Variants in NBPF12 observed in about 807,000 individuals in gnomAD.
NBPF12 encodes the protein NBPF family member NBPF12.
In NBPF12, 115 loss-of-function variants were observed where a neutral mutation model predicts 146.4. The ratio of observed to expected loss-of-function variants is 0.79; its 90% confidence interval spans 0.68 to 0.92. The LOEUF (loss-of-function observed/expected upper bound fraction) is 0.92, where lower values mean the gene tolerates loss of function less well. NBPF12 is among the 40% of genes least tolerant of loss of function. The pLI is 0.00. For synonymous variants in NBPF12, 385 were observed against 508.9 expected, an observed-to-expected ratio of 0.76 and a Z score of 3.28; for missense variants, 1,205 against 1,326.8, an observed-to-expected ratio of 0.91 and a Z score of 1.43.
upstream of NBPF12, among the ~76,000 whole-genome samples, chr1:146,948,069 G>T (rs1476765683): frequency 4.0e-5 from 6 of 151,732 alleles, no homozygotes; most frequent in African/African-American, 9.7e-5. Context: ...CGAATGCAAC[G>T]GCGCCATCTC....
chr1:146,964,565 T>G (rs1656068863), intron 7 of NBPF12, 136 bp downstream of exon 10: 4 of 1,435,460 alleles, frequency 2.8e-6, no homozygotes, highest in Non-Finnish European at 3.9e-6. Flanking sequence ...CAACCCAGCT[T>G]AGACACAGGG....
chr1:146,987,866 C>T (rs1657895374), intron 25 of NBPF12, 88 bp from the exon 29 acceptor site: 2 of 774,298 alleles, frequency 2.6e-6, no homozygotes, highest in Non-Finnish European at 4.7e-6. Context: ...TTTTTAACCA[C>T]TTCCTTATGC....
intron 2 of NBPF12, among the ~76,000 whole-genome samples, chr1:146,954,600 C>T (rs1655480800): frequency 1.3e-5 from 2 of 149,906 alleles, no homozygotes; most frequent in South Asian, 4.2e-4. Context: ...ATAAAAATTC[C>T]AAGCGGCATT....
chr1:146,966,021 C>T (rs1158478537), intron 8 of NBPF12, among the ~76,000 whole-genome samples: 2 of 151,576 alleles, frequency 1.3e-5, no homozygotes, highest in African/African-American at 2.4e-5. Context: ...TGATGAGAAT[C>T]GCTTGAACCC....
chr1:146,938,628 C>G (rs2101799344), upstream of NBPF12: 1 of 152,252 alleles, frequency 6.6e-6, no homozygotes, highest in South Asian at 2.1e-4. Flanking sequence ...TGCGCTCCGT[C>G]CTCCATTACT....
chr1:146,965,873 C>T (rs1191253570), intron 8 of NBPF12, among the ~76,000 whole-genome samples: 8 of 144,108 alleles, frequency 5.6e-5, no homozygotes, highest in African/African-American at 7.7e-5. Context: ...TTTGAGAGGC[C>T]GAGGTGGGCG....
intron 4 of NBPF12, among the ~76,000 whole-genome samples, 175 bp from the exon 8 acceptor site, chr1:146,961,986 A>G (rs1655880560): frequency 2.0e-5 from 3 of 151,944 alleles, no homozygotes; most frequent in African/African-American, 7.3e-5. Flanking sequence ...ATTTTGGAGG[A>G]TCAGATGCCA....
At chr1:146,994,731 C>G in exon 34 of NBPF12, 1 of 1,305,394 alleles carries the variant, frequency 7.7e-7, no homozygotes, top group South Asian at 1.4e-5. Flanking sequence ...CCAGTGGCAA[C>G]CTGTGCTCAG....
chr1:146,981,238 G>A (rs1553887935), intron 19 of NBPF12, among the ~76,000 whole-genome samples: 3 of 128,606 alleles, frequency 2.3e-5, no homozygotes, highest in Middle Eastern at 4.8e-3. Context: ...ATGTAACTAA[G>A]CTGCACGTTG....
upstream of NBPF12, among the ~76,000 whole-genome samples, chr1:146,944,923 CCTGCCTCCCTCCCTCCCTCCCTT>C (rs1654959239): frequency 8.6e-6 from 1 of 116,778 alleles, no homozygotes; most frequent in African/African-American, 3.7e-5. Context: ...TCCCTCCCTC[CCTGCCTCCCTCCCTCCCTCCCTT>C]CTTTTCTTCC....
intron 2 of NBPF12, among the ~76,000 whole-genome samples, chr1:146,956,311 G>T (rs1383812090): frequency 0.15 from 22,326 of 151,878 alleles, 2,005 homozygotes; most frequent in Admixed American, 0.27. Context: ...AATGCAAACG[G>T]ACCTGAAGTG....
At chr1:146,992,482 G>T (rs1411316135) in intron 31 of NBPF12, among the ~76,000 whole-genome samples, 3,134 of 115,074 alleles carry the variant, frequency 0.027, 8 homozygotes, top group Middle Eastern at 0.038. Flanking sequence ...GTGTGTGTGT[G>T]TGTGTGTGTG....
intron 2 of NBPF12, chr1:146,957,724 C>G (rs1655656201): frequency 1.5e-5 from 2 of 133,656 alleles, no homozygotes; most frequent in Admixed American, 7.7e-5. Flanking sequence ...CTGGGGCCGC[C>G]TGGGCTGGCA....
chr1:146,978,260 ATTTTTTT>A (rs1187524068), intron 18 of NBPF12, among the ~76,000 whole-genome samples: 4,053 of 83,818 alleles, frequency 0.048, 214 homozygotes, highest in Non-Finnish European at 0.068. Context: ...AGCGTCGTAG[ATTTTTTT>A]TTTTTTTTTT....
At position 146,972,968 on chromosome 1, in the gene NBPF12, C is replaced by A. The variant is rs1656751076; in HGVS notation, c.1801+8C>A. On this transcript the variant is annotated splice_region_variant and intron_variant, in intron 14 of 33. Coordinates refer to ENST00000617844, the Ensembl canonical transcript of NBPF12. ...AGCAGCAGAACAAATACAGTAAGAT[C>A]TATATGCTCACCATCATGAAAGTGA... is the stretch of plus-strand genomic sequence containing the variant. The A allele has an allele frequency of 1.1e-6, 1 of 909,574 alleles. No individual in the cohort carries two copies. The highest frequency in any genetic ancestry group is 1.9e-6 in the Non-Finnish European group (1 of 538,374). The allele number at this position is 909,574 out of a possible 1,614,324, so 56.3% of individuals were successfully genotyped here.
At chr1:146,950,851 C>T (rs1284505251) in intron 1 of NBPF12, among the ~76,000 whole-genome samples, 30 of 152,114 alleles carry the variant, frequency 2.0e-4, no homozygotes, top group Admixed American at 2.6e-4. Flanking sequence ...TTTCCTATTA[C>T]GAATAAAACT....
At chr1:146,966,791 C>G in intron 9 of NBPF12, 118 bp downstream of exon 12, 1 of 732,664 alleles carries the variant, frequency 1.4e-6, no homozygotes. Context: ...TCTAGGAAAA[C>G]AGAAATGGGT....
At chr1:146,970,792 G>A (rs1344102544) in intron 12 of NBPF12, 73 bp downstream of exon 15, 5 of 1,216,774 alleles carry the variant, frequency 4.1e-6, no homozygotes, top group South Asian at 2.4e-5. Context: ...GCCCTCTCTG[G>A]CATCTATGAT....
At chr1:146,946,365 C>T (rs1223349708), upstream of NBPF12, among the ~76,000 whole-genome samples, 3 of 151,076 alleles carry the variant, frequency 2.0e-5, no homozygotes, top group Admixed American at 2.0e-4. Context: ...GTGTGTTCAC[C>T]GTTTTGTGTT....
Sources: allele counts gnomAD v4.1 joint callset (sites outside exome capture counted in the v4.1 genomes callset), GRCh38; gene constraint gnomAD v4.1.1; transcripts MANE v1.5; gene names NCBI Gene and HGNC (gene_info 2026-07-23, HGNC 2026-07-21).